PLCE1: variants seen among roughly 807,000 people sequenced by gnomAD.
The protein encoded by PLCE1 is phospholipase C epsilon 1, also known as 1-phosphatidylinositol 4,5-bisphosphate phosphodiesterase epsilon-1.
A neutral mutation model predicts 242.8 loss-of-function variants in PLCE1; 119 were observed. The observed-to-expected ratio is 0.49, with a 90% CI of 0.42 to 0.57. The LOEUF (loss-of-function observed/expected upper bound fraction) is 0.57. Among genes scored for constraint, PLCE1 ranks in the 20% least tolerant of loss-of-function variants. The pLI, the probability that PLCE1 is intolerant of heterozygous loss-of-function variation, is 0.00. For synonymous variants in PLCE1, 945 were observed against 1,017.4 expected (o/e 0.93, Z 1.35); for missense variants, 2,441 against 2,788.8 (o/e 0.88, Z 2.81).
At chr10:94,082,509 A>C (rs2044682116) in intron 2 of PLCE1, among the ~76,000 whole-genome samples, 1 of 152,274 alleles carries the variant, frequency 6.6e-6, no homozygotes, top group South Asian at 2.1e-4. Flanking sequence ...CGCTTACAGC[A>C]TCTTCTCAGT....
At chr10:94,085,154 G>A (rs1434986086) in intron 2 of PLCE1, among the ~76,000 whole-genome samples, 1 of 152,118 alleles carries the variant, frequency 6.6e-6, no homozygotes, top group Non-Finnish European at 1.5e-5. Context: ...CTTGTGTTTG[G>A]GGGTACTATT....
intron 2 of PLCE1, among the ~76,000 whole-genome samples, chr10:94,116,035 G>A (rs1289273126): frequency 3.9e-5 from 6 of 152,094 alleles, no homozygotes; most frequent in Admixed American, 1.3e-4. Flanking sequence ...ACAGACACTG[G>A]GGAGAACAGC....
chr10:94,095,115 T>G (rs557110614), intron 2 of PLCE1, among the ~76,000 whole-genome samples: 1 of 152,200 alleles, frequency 6.6e-6, no homozygotes, highest in South Asian at 2.1e-4. Flanking sequence ...ATTTTCTTTA[T>G]AGCTGGCTCC....
chr10:94,323,986 G>A (rs561258057), intron 30 of PLCE1, among the ~76,000 whole-genome samples: 1 of 152,306 alleles, frequency 6.6e-6, no homozygotes, highest in East Asian at 1.9e-4. Context: ...TTCCTCACTG[G>A]CTGACTTTCA....
In PLCE1 at chr10:94,044,628, G is replaced by T. The variant is rs555625192; in HGVS notation, c.1206+12376G>T. Among the ~76,000 whole-genome samples, 4 of 152,336 alleles carry T rather than the reference G, an allele frequency of 2.6e-5. No homozygotes were observed. In the South Asian group the frequency reaches 6.2e-4, roughly 24 times the overall value. ...CTCACAAACTCAGAATGCAGCTTTG[G>T]TTTGGACTGAGCCTCATGGGCACAA... On this transcript the variant is annotated intron_variant, in intron 2 of 32. Transcript: ENST00000371380.
chr10:94,131,546 T>C (rs2046598714), intron 2 of PLCE1, among the ~76,000 whole-genome samples: 1 of 152,182 alleles, frequency 6.6e-6, no homozygotes, highest in Non-Finnish European at 1.5e-5. Flanking sequence ...GAAATCAGGA[T>C]AGTGACAGTG....
At position 94,311,348 on chromosome 10, in the gene PLCE1, C is replaced by T. The variant is rs148003555; in HGVS notation, c.6004-1906C>T. ...GCCTTGGTCTTTCTCAGCCACCAAT[C>T]ATCTCATTAGCAACAAAGGACACTC... On this transcript the variant is annotated intron_variant, in intron 27 of 32. Coordinates refer to ENST00000371380, the MANE Select transcript of PLCE1 (RefSeq NM_016341.4). Among the ~76,000 whole-genome samples, 78 of 152,330 alleles carry T rather than the reference C, an allele frequency of 5.1e-4. No individual in the cohort carries two copies. The East Asian group carries it at 0.011, about 22-fold the overall frequency.
chr10:94,235,904 T>A lies in PLCE1; in HGVS notation c.2215-11T>A. 1 of 1,611,546 alleles carries A rather than the reference T, an allele frequency of 6.2e-7. No individual in the cohort carries two copies. Among genetic ancestry groups the A allele is most frequent in the Non-Finnish European group, 8.5e-7 (1 of 1,178,132 alleles). ...AAGTTGCAATAGCAAATTCTCGATT[T>A]TTTTTTGTAGTTTGTAGCAGATTAC... On this transcript the variant is annotated splice_polypyrimidine_tract_variant and intron_variant, in intron 6 of 32. Coordinates refer to ENST00000371380, the MANE Select transcript of PLCE1 (RefSeq NM_016341.4).
rs543607292 is a variant in PLCE1 at position 94,098,199 on chromosome 10, GGGGAT to G, written c.1207-33974_1207-33970del. Among the ~76,000 whole-genome samples the G allele has an allele frequency of 9.2e-5, 14 of 152,266 alleles. No individual in the cohort carries two copies. The South Asian group carries it at 2.9e-3, about 32-fold the overall frequency. On this transcript the variant is annotated intron_variant, in intron 2 of 32. Transcript: ENST00000371380. ...TTGCAGAACAAAATGGAAGATTGCTGGGGATTCACCATTCCTTCCTTTTTTAACAA... is the reference window on the plus strand; with the variant it reads ...TTGCAGAACAAAATGGAAGATTGCTGTCACCATTCCTTCCTTTTTTAACAA...
intron 2 of PLCE1, among the ~76,000 whole-genome samples, chr10:94,064,469 G>A (rs1589946397): frequency 6.6e-6 from 1 of 152,164 alleles, no homozygotes; most frequent in Admixed American, 6.5e-5. Flanking sequence ...TTGATCACAG[G>A]AGGTAGAGGT....
chr10:94,321,812 AAGATACAAGCTC>A (rs2053815508), intron 29 of PLCE1, 77 bp from the exon 30 acceptor site: 1 of 938,746 alleles, frequency 1.1e-6, no homozygotes, highest in Non-Finnish European at 1.7e-6. Context: ...CTACATCACC[AAGATACAAGCTC>A]AGATTTTTGC....
In PLCE1 at chr10:94,283,912, G is replaced by C; in HGVS notation, c.4917+1G>C. ...TAACTCTGCTTGCAACAAAGGAAAGGTGGGTGAACGGTTTCTGTTAAATGA... is the reference window on the plus strand; with the variant it reads ...TAACTCTGCTTGCAACAAAGGAAAGCTGGGTGAACGGTTTCTGTTAAATGA... On this transcript the variant is annotated splice_donor_variant, in intron 21 of 32. Coordinates refer to ENST00000371380, the MANE Select transcript of PLCE1 (RefSeq NM_016341.4). LOFTEE classifies it high-confidence loss of function. 1 of 1,610,424 alleles carries C rather than the reference G, an allele frequency of 6.2e-7. No homozygotes were observed. Among genetic ancestry groups the C allele is most frequent in the Non-Finnish European group, 8.5e-7 (1 of 1,177,618 alleles).
chr10:94,239,412 T>A (rs1307740501), intron 7 of PLCE1, among the ~76,000 whole-genome samples: 1 of 152,254 alleles, frequency 6.6e-6, no homozygotes, highest in African/African-American at 2.4e-5. Context: ...GTGAAGAGGA[T>A]GCAGCAAGGC....
intron 4 of PLCE1, among the ~76,000 whole-genome samples, chr10:94,183,313 C>A (rs1204890152): frequency 6.6e-6 from 1 of 152,170 alleles, no homozygotes; most frequent in African/African-American, 2.4e-5. Flanking sequence ...GATTTCAGTA[C>A]CAACTTTTGT....
chr10:94,291,212 C>T (rs1323134429), intron 22 of PLCE1, among the ~76,000 whole-genome samples: 1 of 152,064 alleles, frequency 6.6e-6, no homozygotes, highest in African/African-American at 2.4e-5. Context: ...TGGCCTCAAA[C>T]TCCTGGGCTC....
At chr10:94,229,322 T>C (rs1409165848) in intron 5 of PLCE1, among the ~76,000 whole-genome samples, 1 of 152,270 alleles carries the variant, frequency 6.6e-6, no homozygotes. Context: ...AAGTTGGTGC[T>C]GGCTGTTGGC....
At chr10:94,098,522 C>T (rs1174266080) in intron 2 of PLCE1, among the ~76,000 whole-genome samples, 1 of 152,172 alleles carries the variant, frequency 6.6e-6, no homozygotes, top group Non-Finnish European at 1.5e-5. Context: ...GATTTAATGA[C>T]AAGCCTATAT....
rs1046999410 is a variant in PLCE1, at chr10:94,298,115, G to A, written c.5168-264G>A. Among the ~76,000 whole-genome samples the A allele has an allele frequency of 1.3e-5, 2 of 151,812 alleles. No homozygotes were observed. The highest frequency in any genetic ancestry group is 4.8e-5 in the African/African-American group (2 of 41,312). On this transcript the variant is annotated intron_variant, in intron 23 of 32. Transcript: ENST00000371380. This position sits in a 1 kb window ranked among gnomAD's most constrained non-coding sequence, Gnocchi z 5.2. ...GCCCAGGCTGGTCTTGAACTTCTGG[G>A]CTCAAGCAATCCTCCCACCCTGACC...
At chr10:94,048,716 T>G (rs1328746960) in intron 2 of PLCE1, among the ~76,000 whole-genome samples, 1 of 144,146 alleles carries the variant, frequency 6.9e-6, no homozygotes. Context: ...ATTAAATATA[T>G]ATGTATATAT....
Sources: allele counts gnomAD v4.1 joint callset (sites outside exome capture counted in the v4.1 genomes callset), GRCh38; gene constraint gnomAD v4.1.1; non-coding constraint Gnocchi (gnomAD v3.1); transcripts MANE v1.5; gene names NCBI Gene and HGNC (gene_info 2026-07-23, HGNC 2026-07-21).